The following UFM1 variants were observed in gnomAD, a reference collection of about 807,000 sequenced individuals.
UFM1 encodes ubiquitin fold modifier 1.
A neutral mutation model predicts 15.4 loss-of-function variants in UFM1; 9 were observed. The observed-to-expected ratio is 0.59, with a 90% confidence interval of 0.35 to 1.02. The LOEUF (loss-of-function observed/expected upper bound fraction) is 1.02, where lower values mean the gene tolerates loss of function less well. Among genes scored for constraint, UFM1 ranks in the 50% least tolerant of loss-of-function variants. The probability of loss-of-function intolerance (pLI) is 0.02; values close to 1 mark genes in which losing one functional copy is unlikely to be tolerated. For missense variants in UFM1, 98 were observed against 104.7 expected (o/e 0.94, Z 0.28); for synonymous variants, 27 against 36.3 (o/e 0.74, Z 0.92).
Position 38,359,112 on chromosome 13 carries a change from A to G in UFM1, c.158-189A>G, listed in dbSNP as rs116493880. On this transcript the variant is annotated intron_variant, in intron 4 of 5. Transcript: ENST00000239878. Reference sequence around the variant, plus strand: ...TTTGTCTAACCCAGCAATGTGTATGAATGCAGAATAATAGTAGATTTCAAC... The same window carrying G: ...TTTGTCTAACCCAGCAATGTGTATGGATGCAGAATAATAGTAGATTTCAAC... Among the ~76,000 whole-genome samples the G allele has an allele frequency of 4.7e-3, 721 of 152,200 alleles. 2 individuals are homozygous for G. Among genetic ancestry groups the G allele is most frequent in the African/African-American group, 0.016 (673 of 41,552 alleles).
At chr13:38,359,079 C>A (rs1879257263) in intron 4 of UFM1, among the ~76,000 whole-genome samples, 1 of 152,002 alleles carries the variant, frequency 6.6e-6, no homozygotes, top group Non-Finnish European at 1.5e-5. Flanking sequence ...ATTGCATTGA[C>A]AGACGTTTTT....
At position 38,358,290 on chromosome 13, in the gene UFM1, A is replaced by T. The variant is rs182666308; in HGVS notation, c.157+158A>T. Among the ~76,000 whole-genome samples the T allele has an allele frequency of 2.9e-3, 434 of 151,976 alleles. 1 individual carries two copies. The highest frequency in any genetic ancestry group is 0.01 in the African/African-American group (418 of 41,518). Reference sequence around the variant, plus strand: ...AAACACTAAGTCAGGGTTATTGTTAATAATTAGCTCCTTTCATTTCTTTGT... The same window carrying T: ...AAACACTAAGTCAGGGTTATTGTTATTAATTAGCTCCTTTCATTTCTTTGT... On this transcript the variant is annotated intron_variant, in intron 4 of 5. Transcript: ENST00000239878.
At chr13:38,351,206 G>T (rs1173440928) in intron 2 of UFM1, among the ~76,000 whole-genome samples, 2 of 152,064 alleles carry the variant, frequency 1.3e-5, no homozygotes, top group Non-Finnish European at 2.9e-5. Context: ...TCTCCTCTCA[G>T]CATATTTTGG....
chr13:38,358,083 T>A lies in UFM1; in HGVS notation c.118-10T>A. 2 of 1,348,222 alleles carry A rather than the reference T, an allele frequency of 1.5e-6. No individual in the cohort carries two copies. Among genetic ancestry groups the A allele is most frequent in the Middle Eastern group, 2.5e-4 (1 of 3,932 alleles). The allele number at this position is 1,348,222 out of a possible 1,614,324, so 83.5% of individuals were successfully genotyped here. On this transcript the variant is annotated splice_polypyrimidine_tract_variant and intron_variant, in intron 3 of 5. Coordinates refer to ENST00000239878, the MANE Select transcript of UFM1 (RefSeq NM_016617.4). ...TATATATATATATATTTTTTTTTCC[T>A]TCTATTTAGTTTAAAGTTCCTGCTG...
At position 38,358,105 on chromosome 13, in the gene UFM1, G is replaced by C; in HGVS notation, c.130G>C (p.Ala44Pro). ...KFAAEEFKVP[A>P]ATSAIITNDG... Reference sequence around the variant, plus strand: ...TCCTTCTATTTAGTTTAAAGTTCCTGCTGCAACAAGTGCAATTATTACCAA... The same window carrying C: ...TCCTTCTATTTAGTTTAAAGTTCCTCCTGCAACAAGTGCAATTATTACCAA... Residue 44 changes from alanine to proline, a missense_variant, in exon 4 of 6, where the codon GCT becomes CCT. Physicochemically the swap from Ala to Pro is conservative, Grantham distance 27 (BLOSUM62 -1). Coordinates refer to ENST00000239878, the MANE Select transcript of UFM1 (RefSeq NM_016617.4). 7.1e-7 allele frequency: 1 copy of C among 1,416,618 alleles called. No homozygotes were observed. The highest frequency in any genetic ancestry group is 2.6e-5 in the East Asian group (1 of 38,748). The allele number at this position is 1,416,618 out of a possible 1,614,324, so 87.8% of individuals were successfully genotyped here. A position where few individuals can be genotyped will look rare whatever the true frequency, so the allele number is the denominator to read the frequency against.
intron 2 of UFM1, 65 bp from the exon 3 acceptor site, chr13:38,354,174 G>T: frequency 6.5e-7 from 1 of 1,530,592 alleles, no homozygotes; most frequent in Non-Finnish European, 9.0e-7. Context: ...TGGAAATAAG[G>T]AACAAAGGGG....
In UFM1 at chr13:38,358,075, T is replaced by A. The variant is rs1879197048; in HGVS notation, c.118-18T>A. The A allele has an allele frequency of 2.3e-6, 3 of 1,285,616 alleles. No individual in the cohort carries two copies. In the African/African-American group the frequency reaches 4.7e-5, roughly 20 times the overall value. 79.6% of individuals were successfully genotyped at this position (1,285,616 alleles called of 1,614,324 possible). On this transcript the variant is annotated intron_variant, in intron 3 of 5. Transcript: ENST00000239878. ...TGTGTGTGTATATATATATATATTT[T>A]TTTTTCCTTCTATTTAGTTTAAAGT...
chr13:38,357,042 A>G (rs1489142570), intron 3 of UFM1, among the ~76,000 whole-genome samples: 2 of 151,960 alleles, frequency 1.3e-5, no homozygotes, highest in African/African-American at 4.8e-5. Flanking sequence ...AACATCTCTG[A>G]AATAGATCAG....
chr13:38,358,087 ATTTAG>A lies in UFM1; in HGVS notation c.118-1_121del, dbSNP rs757643678. The A allele has an allele frequency of 9.9e-6, 13 of 1,317,898 alleles. No individual in the cohort carries two copies. Among genetic ancestry groups the A allele is most frequent in the African/African-American group, 4.8e-5 (3 of 62,584 alleles). The allele number at this position is 1,317,898 out of a possible 1,614,324, so 81.6% of individuals were successfully genotyped here. A position where few individuals can be genotyped will look rare whatever the true frequency, so the allele number is the denominator to read the frequency against. ...TATATATATATTTTTTTTTCCTTCT[ATTTAG>A]TTTAAAGTTCCTGCTGCAACAAGTG... On this transcript the variant is annotated splice_acceptor_variant and splice_polypyrimidine_tract_variant and intron_variant, in intron 3 of 5. Transcript: ENST00000239878. LOFTEE classifies it high-confidence loss of function.
rs1347424643 is a variant in UFM1 at position 38,362,004 on chromosome 13, G to C, written c.*1226G>C. On this transcript the variant is annotated 3_prime_UTR_variant, in exon 6 of 6. Transcript: ENST00000239878. ...CTTATGAGAATCCAAAGAATGATGTGTGTAAGGGAAGATTTTATTTGCCCT... is the reference window on the plus strand; with the variant it reads ...CTTATGAGAATCCAAAGAATGATGTCTGTAAGGGAAGATTTTATTTGCCCT... 1 of 152,188 alleles carries C rather than the reference G, an allele frequency of 6.6e-6. No individual in the cohort carries two copies. The highest frequency in any genetic ancestry group is 1.5e-5 in the Non-Finnish European group (1 of 68,032). 9.4% of individuals were successfully genotyped at this position (152,188 alleles called of 1,614,324 possible).
At chr13:38,350,878 CTTTT>C (rs1487553791) in intron 2 of UFM1, among the ~76,000 whole-genome samples, 2 of 152,176 alleles carry the variant, frequency 1.3e-5, no homozygotes, top group African/African-American at 4.8e-5. Context: ...CTCCCTTGAT[CTTTT>C]CATCTCCAAA....
intron 5 of UFM1, 125 bp downstream of exon 5, chr13:38,359,458 A>G: frequency 1.0e-6 from 1 of 1,002,044 alleles, no homozygotes; most frequent in East Asian, 2.4e-5. Flanking sequence ...TTTAGGGATT[A>G]TATACCAGTC....
At chr13:38,357,999 G>T in intron 3 of UFM1, 94 bp from the exon 4 acceptor site, 1 of 532,968 alleles carries the variant, frequency 1.9e-6, no homozygotes, top group Non-Finnish European at 3.0e-6. Flanking sequence ...TTATAGAATT[G>T]GTATTTGTAC....
Position 38,363,071 on chromosome 13 carries a change from G to A in UFM1, c.*2293G>A, listed in dbSNP as rs1879496759. The A allele has an allele frequency of 6.6e-6, 1 of 151,854 alleles. No homozygotes were observed. The highest frequency in any genetic ancestry group is 2.4e-5 in the African/African-American group (1 of 41,228). 9.4% of individuals were successfully genotyped at this position (151,854 alleles called of 1,614,324 possible). A position where few individuals can be genotyped will look rare whatever the true frequency, so the allele number is the denominator to read the frequency against. On this transcript the variant is annotated 3_prime_UTR_variant, in exon 6 of 6. Transcript: ENST00000239878. ...CCTTTTGAGTCAGTATATAATACAT[G>A]TAGTAAAGAAAAAAAGGGCAAAGAT...
chr13:38,351,098 A>C (rs996055746), intron 2 of UFM1, among the ~76,000 whole-genome samples: 1 of 152,036 alleles, frequency 6.6e-6, no homozygotes, highest in African/African-American at 2.4e-5. Flanking sequence ...AGCTATCCCC[A>C]CTTCTATTCC....
rs999012976 is a variant in UFM1, at chr13:38,362,972, T to C, written c.*2194T>C. 1 of 152,336 alleles carries C rather than the reference T, an allele frequency of 6.6e-6. No individual in the cohort carries two copies. Among genetic ancestry groups the C allele is most frequent in the East Asian group, 1.9e-4 (1 of 5,190 alleles). The allele number at this position is 152,336 out of a possible 1,614,324, so 9.4% of individuals were successfully genotyped here. Reference sequence around the variant, plus strand: ...ATGCGTTATTGGTTTATAATTAATATCTAATGAAAATACATGTTGTTATAT... The same window carrying C: ...ATGCGTTATTGGTTTATAATTAATACCTAATGAAAATACATGTTGTTATAT... On this transcript the variant is annotated 3_prime_UTR_variant, in exon 6 of 6. Coordinates refer to ENST00000239878, the MANE Select transcript of UFM1 (RefSeq NM_016617.4).
intron 4 of UFM1, among the ~76,000 whole-genome samples, chr13:38,358,408 G>GTTTTT (rs11381230): frequency 6.7e-6 from 1 of 148,730 alleles, no homozygotes. Flanking sequence ...TATTTAGCAA[G>GTTTTT]TTTTTTTTTT....
In UFM1 at chr13:38,349,986, C is replaced by T. The variant is rs747716159; in HGVS notation, c.3-13C>T. Reference sequence around the variant, plus strand: ...GCTGCCCGACCCTGACTCTCTCCCGCTCTTTTCCTCAGGTCGAAGGTTTCC... The same window carrying T: ...GCTGCCCGACCCTGACTCTCTCCCGTTCTTTTCCTCAGGTCGAAGGTTTCC... On this transcript the variant is annotated splice_polypyrimidine_tract_variant and intron_variant, in intron 1 of 5. Coordinates refer to ENST00000239878, the MANE Select transcript of UFM1 (RefSeq NM_016617.4). The T allele has an allele frequency of 2.5e-6, 4 of 1,614,086 alleles. No homozygotes were observed. The highest frequency in any genetic ancestry group is 2.2e-5 in the South Asian group (2 of 91,086).
At chr13:38,351,553 T>C (rs146629624) in intron 2 of UFM1, among the ~76,000 whole-genome samples, 83 of 152,346 alleles carry the variant, frequency 5.4e-4, no homozygotes, top group African/African-American at 2.0e-3. Context: ...TTCACTCCTA[T>C]GAAAAACCAC....
Sources: gnomAD v4.1 joint callset for allele counts (sites outside exome capture counted in the v4.1 genomes callset) on GRCh38, gnomAD v4.1.1 for gene constraint, MANE v1.5 for transcripts, NCBI Gene and HGNC (gene_info 2026-07-23, HGNC 2026-07-21) for gene names.